TEAD1: variants seen among roughly 807,000 people sequenced by gnomAD.
The protein encoded by TEAD1 is transcriptional enhancer factor TEF-1.
TEAD1 carries 9 observed loss-of-function variants against 54.9 expected under a neutral mutation model. The observed-to-expected ratio is 0.16, with a 90% CI of 0.10 to 0.29. TEAD1 has a LOEUF of 0.29. TEAD1 is among the 10% of genes least tolerant of loss of function. The pLI is 1.00. For missense variants in TEAD1, 387 were observed against 535.9 expected, an observed-to-expected ratio of 0.72 and a Z score of 2.74; for synonymous variants, 200 against 187.8, an observed-to-expected ratio of 1.07 and a Z score of -0.53.
chr11:12,921,538 C>CAAAAAAAAAA (rs10684810), intron 10 of TEAD1, among the ~76,000 whole-genome samples: 2 of 130,792 alleles, frequency 1.5e-5, no homozygotes, highest in Non-Finnish European at 1.6e-5. Flanking sequence ...AACTCCATCT[C>CAAAAAAAAAA]AAAAAAAAAA....
chr11:12,928,837 A>G (rs1202428664), intron 11 of TEAD1, among the ~76,000 whole-genome samples: 1 of 152,208 alleles, frequency 6.6e-6, no homozygotes, highest in Non-Finnish European at 1.5e-5. Context: ...GCTAATTAAC[A>G]TGTATTACCT....
intron 2 of TEAD1, among the ~76,000 whole-genome samples, chr11:12,733,832 A>T (rs914732444): frequency 6.6e-6 from 1 of 152,230 alleles, no homozygotes; most frequent in Non-Finnish European, 1.5e-5. Context: ...AAAAATTCCT[A>T]TTGTCTAGTG....
intron 3 of TEAD1, among the ~76,000 whole-genome samples, chr11:12,769,921 G>T (rs754508590): frequency 6.6e-6 from 1 of 152,170 alleles, no homozygotes. Context: ...AACAGAGAAC[G>T]TAGGTGATTA....
At chr11:12,719,479 G>A (rs942479417) in intron 2 of TEAD1, among the ~76,000 whole-genome samples, 3 of 149,224 alleles carry the variant, frequency 2.0e-5, no homozygotes, top group African/African-American at 7.4e-5. Flanking sequence ...CACACATTGC[G>A]GCTCTCTACC....
chr11:12,892,320 G>A (rs919605491), intron 9 of TEAD1, among the ~76,000 whole-genome samples: 1 of 152,012 alleles, frequency 6.6e-6, no homozygotes, highest in Non-Finnish European at 1.5e-5. Flanking sequence ...TGTGCATGGG[G>A]GATTAGGTTG....
chr11:12,840,414 T>C (rs1427971133), intron 3 of TEAD1, among the ~76,000 whole-genome samples: 4 of 152,106 alleles, frequency 2.6e-5, no homozygotes, highest in Non-Finnish European at 5.9e-5. Context: ...TAAGAGGCCA[T>C]ATTCAGTGTT....
chr11:12,894,686 C>T (rs16911719), intron 9 of TEAD1, among the ~76,000 whole-genome samples: 12,349 of 152,186 alleles, frequency 0.081, 610 homozygotes, highest in African/African-American at 0.15. Flanking sequence ...AGAACAGAAT[C>T]GCCTTAATGA....
chr11:12,778,677 G>A (rs902343974), intron 3 of TEAD1, among the ~76,000 whole-genome samples: 1 of 151,884 alleles, frequency 6.6e-6, no homozygotes, highest in African/African-American at 2.4e-5. Flanking sequence ...AAAAATGTTT[G>A]AATTAGTGAA....
intron 2 of TEAD1, among the ~76,000 whole-genome samples, chr11:12,742,616 A>T (rs1415723437): frequency 6.6e-6 from 1 of 152,204 alleles, no homozygotes; most frequent in Non-Finnish European, 1.5e-5. Context: ...ATTGAAGGTG[A>T]TGGATATGTT....
At chr11:12,934,663 G>A (rs1289949776) in intron 12 of TEAD1, among the ~76,000 whole-genome samples, 1 of 151,682 alleles carries the variant, frequency 6.6e-6, no homozygotes, top group Admixed American at 6.6e-5. Flanking sequence ...TATGGCCTTG[G>A]TCACTTAGTC....
At chr11:12,934,739 G>A (rs983457120) in intron 12 of TEAD1, among the ~76,000 whole-genome samples, 2 of 152,042 alleles carry the variant, frequency 1.3e-5, no homozygotes, top group African/African-American at 4.8e-5. Flanking sequence ...TACCTCAGAG[G>A]TTATCATTGA....
intron 2 of TEAD1, among the ~76,000 whole-genome samples, chr11:12,717,063 T>C (rs1054395605): frequency 1.3e-5 from 2 of 152,230 alleles, no homozygotes; most frequent in African/African-American, 4.8e-5. Context: ...GAAAGGTTCC[T>C]GCATGGATTT....
At chr11:12,933,926 A>G (rs1336699392) in intron 12 of TEAD1, among the ~76,000 whole-genome samples, 2 of 152,200 alleles carry the variant, frequency 1.3e-5, no homozygotes, top group Non-Finnish European at 2.9e-5. Context: ...GAACACTTTT[A>G]CACTGTTGTT....
intron 2 of TEAD1, among the ~76,000 whole-genome samples, chr11:12,705,982 G>C (rs761159755): frequency 2.0e-5 from 3 of 152,178 alleles, no homozygotes; most frequent in African/African-American, 4.8e-5. Flanking sequence ...CAATTTTAAA[G>C]TATAAATAGA....
chr11:12,895,697 C>T lies in TEAD1; in HGVS notation c.700-6243C>T, dbSNP rs1020132757. Among the ~76,000 whole-genome samples the T allele has an allele frequency of 9.8e-5, 15 of 152,320 alleles. No homozygotes were observed. The East Asian group carries it at 2.5e-3, about 25-fold the overall frequency. ...TAATTGTATAAGCCAGATTGAAGCA[C>T]GTGGCCCATAGGAAAAGCAGTATTC... On this transcript the variant is annotated intron_variant, in intron 9 of 12. Coordinates refer to ENST00000527636, the MANE Select transcript of TEAD1 (RefSeq NM_021961.6).
chr11:12,864,898 A>G lies in TEAD1; in HGVS notation c.328A>G (p.Lys110Glu), dbSNP rs1434280647. The change falls in exon 5 of 13, where the codon AAG becomes GAG. Residue 110 changes from lysine (K) to glutamate (E), a missense_variant and splice_region_variant. By Grantham distance (56) the Lys-to-Glu change is moderately conservative (BLOSUM62 1). This residue lies in a region of TEAD1 where 22 missense variants were observed against 43.2 expected (regional missense o/e 0.51). Transcript: ENST00000527636. The stretch of plus-strand genomic sequence containing the variant: ...ATCTCGTGATTTTCATTCCAAGCTA[A>G]AGGTATGCGCTTTTCTGCTTTTTGG... 7 of 1,614,008 alleles carry G rather than the reference A, an allele frequency of 4.3e-6. No homozygotes were observed. The highest frequency in any genetic ancestry group is 2.2e-5 in the East Asian group (1 of 44,890).
chr11:12,845,365 G>A (rs1376738766), intron 3 of TEAD1, among the ~76,000 whole-genome samples: 1 of 152,186 alleles, frequency 6.6e-6, no homozygotes, highest in Non-Finnish European at 1.5e-5. Context: ...AACTCTGAAT[G>A]CTTTCAAAGC....
chr11:12,830,742 TCA>T (rs1195830987), intron 3 of TEAD1, among the ~76,000 whole-genome samples: 13 of 151,190 alleles, frequency 8.6e-5, no homozygotes, highest in East Asian at 1.9e-4. Flanking sequence ...ATATTTGCAA[TCA>T]CACACACACA....
At chr11:12,703,587 C>T (rs1347585996) in intron 2 of TEAD1, among the ~76,000 whole-genome samples, 1 of 152,226 alleles carries the variant, frequency 6.6e-6, no homozygotes, top group Non-Finnish European at 1.5e-5. Flanking sequence ...CCACTTTCAC[C>T]ATCATCCTTC....
Sources: gnomAD v4.1 joint callset for allele counts (sites outside exome capture counted in the v4.1 genomes callset) on GRCh38, gnomAD v4.1.1 for gene constraint, gnomAD v4.1.1 regional missense constraint, MANE v1.5 for transcripts, NCBI Gene and HGNC (gene_info 2026-07-23, HGNC 2026-07-21) for gene names.